The following CAMK2A variants were observed in gnomAD, a reference collection of about 807,000 sequenced individuals.
The protein encoded by CAMK2A is calcium/calmodulin-dependent protein kinase type II subunit alpha.
Under a neutral mutation model 79.2 loss-of-function variants are expected in CAMK2A, and 7 were observed. The observed-to-expected ratio is 0.09, with a 90% CI of 0.05 to 0.17. The LOEUF is 0.17. CAMK2A is among the 10% of genes least tolerant of loss of function. The pLI, the probability that CAMK2A is intolerant of heterozygous loss-of-function variation, is 1.00. For missense variants in CAMK2A, 214 were observed against 646.4 expected, an observed-to-expected ratio of 0.33 and a Z score of 7.25; for synonymous variants, 242 against 251.7, an observed-to-expected ratio of 0.96 and a Z score of 0.36.
intron 16 of CAMK2A, among the ~76,000 whole-genome samples, chr5:150,230,631 A>G (rs1754799549): frequency 6.6e-6 from 1 of 152,212 alleles, no homozygotes; most frequent in Non-Finnish European, 1.5e-5. Flanking sequence ...GCCCAAGTGA[A>G]GTCTGTTTCT....
At chr5:150,235,338 A>T (rs1208204101) in intron 15 of CAMK2A, among the ~76,000 whole-genome samples, 1 of 152,194 alleles carries the variant, frequency 6.6e-6, no homozygotes, top group Non-Finnish European at 1.5e-5. Flanking sequence ...TGCCCTCAGC[A>T]GCCCCACTGC....
At position 150,250,280 on chromosome 5, in the gene CAMK2A, G is replaced by A. The variant is rs914517595; in HGVS notation, c.846C>T (p.His282=). 1 of 1,613,976 alleles carries A rather than the reference G, an allele frequency of 6.2e-7. No homozygotes were observed. Among genetic ancestry groups the A allele is most frequent in the African/African-American group, 1.3e-5 (1 of 74,930 alleles). ...TCAGGCAGTCCACGGTCTCCTGTCT[G>A]TGCATGCAGGATGCCACGGTGGAGC... is the stretch of plus-strand genomic sequence containing the variant. The part of the protein sequence containing the change: ...SHRSTVASCM[H]RQETVDCLKK... Residue 282 remains histidine (H), a synonymous_variant, in exon 11 of 19, where the codon CAC becomes CAT. Coordinates refer to ENST00000671881, the MANE Select transcript of CAMK2A (RefSeq NM_015981.4).
chr5:150,261,460 G>A (rs999178049), intron 3 of CAMK2A, among the ~76,000 whole-genome samples: 3 of 152,198 alleles, frequency 2.0e-5, no homozygotes, highest in Admixed American at 1.3e-4. Flanking sequence ...AGTGACTGAC[G>A]TGTCCGTGCC....
At chr5:150,289,513 C>A (rs779873061) in intron 1 of CAMK2A, 51 bp downstream of exon 1, 1 of 1,463,018 alleles carries the variant, frequency 6.8e-7, no homozygotes, top group South Asian at 1.1e-5. Flanking sequence ...ACTAGAGACC[C>A]TGACCTCCCC....
At position 150,289,721 on chromosome 5, in the gene CAMK2A, G is replaced by C; in HGVS notation, c.-96C>G. ...GAACCTAGGGACCACTTGCCTGCCC[G>C]TGCTGCCGAGTGCAAACAGAGAACC... On this transcript the variant is annotated 5_prime_UTR_variant, in exon 1 of 19. Transcript: ENST00000671881. The C allele has an allele frequency of 1.1e-6, 1 of 907,332 alleles. No homozygotes were observed. Among genetic ancestry groups the C allele is most frequent in the South Asian group, 1.5e-5 (1 of 66,210 alleles). 56.2% of individuals were successfully genotyped at this position (907,332 alleles called of 1,614,324 possible). A position where few individuals can be genotyped will look rare whatever the true frequency, so the allele number is the denominator to read the frequency against.
In CAMK2A at chr5:150,222,760, T is replaced by C. The variant is rs756268900; in HGVS notation, c.1467-47A>G. On this transcript the variant is annotated intron_variant, in intron 18 of 18. Transcript: ENST00000671881. ...CTTCTCAGGGCATGGTGTTTCCTGC[T>C]TGGGCAACCCACCCACCCTGCCGCT... The C allele has an allele frequency of 6.8e-6, 11 of 1,612,390 alleles. No homozygotes were observed. In the Admixed American group the frequency reaches 1.8e-4, roughly 27 times the overall value.
At chr5:150,238,656 T>C (rs2114040180) in intron 15 of CAMK2A, 44 bp downstream of exon 15, 2 of 1,557,698 alleles carry the variant, frequency 1.3e-6, no homozygotes, top group Admixed American at 3.6e-5. Context: ...TCAGAGCTGG[T>C]TCCAGAAGTC....
intron 16 of CAMK2A, among the ~76,000 whole-genome samples, chr5:150,230,263 A>C (rs557101508): frequency 7.2e-6 from 1 of 139,502 alleles, no homozygotes; most frequent in South Asian, 2.4e-4. Flanking sequence ...GGTTGCAGTG[A>C]GCCAAGATCG....
intron 16 of CAMK2A, among the ~76,000 whole-genome samples, chr5:150,229,917 G>T (rs528470657): frequency 3.5e-4 from 54 of 152,328 alleles, no homozygotes; most frequent in African/African-American, 1.2e-3. Context: ...ATCACCCTCA[G>T]TTCCACACAT....
rs138342339 is a variant in CAMK2A, at chr5:150,223,488, G to A, written c.1238-271C>T. On this transcript the variant is annotated intron_variant, in intron 17 of 18. Coordinates refer to ENST00000671881, the MANE Select transcript of CAMK2A (RefSeq NM_015981.4). This position sits in a 1 kb window ranked among gnomAD's most constrained non-coding sequence, Gnocchi z 4.1. ...AAAATGGAATGTTTGAATCATGACC[G>A]TTAGCCACATGGAATAAGCCTAGAG... 6.7e-3 allele frequency among the ~76,000 whole-genome samples: 1,016 copies of A among 152,292 alleles called. 12 individuals carry two copies. Among genetic ancestry groups the A allele is most frequent in the African/African-American group, 0.024 (977 of 41,554 alleles).
Position 150,245,173 on chromosome 5 carries a change from G to C in CAMK2A, c.972C>G (p.Ser324Arg), listed in dbSNP as rs375813680. 1.2e-6 allele frequency: 2 copies of C among 1,613,958 alleles called. No individual in the cohort carries two copies. The highest frequency in any genetic ancestry group is 3.3e-5 in the Admixed American group (2 of 60,006). Reference sequence around the variant, plus strand: ...TGGAGGGGCTTACCTTCACACCATCGCTCTTCTTGTTTCCCCCACTCTTCC... The same window carrying C: ...TGGAGGGGCTTACCTTCACACCATCCCTCTTCTTGTTTCCCCCACTCTTCC... ...SGGKSGGNKK[S>R]DGVKKRKSSS... is the part of the protein sequence containing the mutation. The change falls in exon 13 of 19, where the codon AGC becomes AGG. Residue 324 changes from serine (S) to arginine (R), a missense_variant. Coordinates refer to ENST00000671881, the MANE Select transcript of CAMK2A (RefSeq NM_015981.4).
chr5:150,269,492 C>T (rs1756646778), intron 2 of CAMK2A, among the ~76,000 whole-genome samples: 1 of 151,606 alleles, frequency 6.6e-6, no homozygotes, highest in Non-Finnish European at 1.5e-5. Flanking sequence ...GCTGGGACTA[C>T]AGGCACCCGC....
chr5:150,272,921 G>A lies in CAMK2A; in HGVS notation c.157+144C>T, dbSNP rs866903381. On this transcript the variant is annotated intron_variant, in intron 2 of 18. Transcript: ENST00000671881. ...GGAAAAAGGGAAGGTCTATTCTCAT[G>A]ACACCCCGGGAAGAGCAGCCCCCAC... The A allele has an allele frequency of 1.4e-5, 9 of 657,394 alleles. No homozygotes were observed. The Middle Eastern group carries it at 1.2e-3, about 89-fold the overall frequency. The allele number at this position is 657,394 out of a possible 1,614,324, so 40.7% of individuals were successfully genotyped here.
chr5:150,247,925 A>T, intron 11 of CAMK2A, 111 bp from the exon 12 acceptor site: 1 of 860,738 alleles, frequency 1.2e-6, no homozygotes, highest in South Asian at 1.5e-5. Flanking sequence ...CTGCATTCAG[A>T]GAAGAAGCCA....
chr5:150,284,197 GAGA>G lies in CAMK2A; in HGVS notation c.62+5364_62+5366del, dbSNP rs1312947511. 1.3e-5 allele frequency among the ~76,000 whole-genome samples: 2 copies of G among 152,250 alleles called. No homozygotes were observed. Among genetic ancestry groups the G allele is most frequent in the Admixed American group, 1.3e-4 (2 of 15,292 alleles). On this transcript the variant is annotated intron_variant, in intron 1 of 18. Coordinates refer to ENST00000671881, the MANE Select transcript of CAMK2A (RefSeq NM_015981.4). The surrounding 1 kb of genome is among the most constrained non-coding windows in gnomAD (Gnocchi z 5.3). ...GACAGAGTGAGACCAGAGAGATGGA[GAGA>G]AGAACACAGAGAAAGACAAGCCCTG...
At chr5:150,280,944 CT>C (rs1041076078) in intron 1 of CAMK2A, among the ~76,000 whole-genome samples, 2 of 152,172 alleles carry the variant, frequency 1.3e-5, no homozygotes, top group African/African-American at 2.4e-5. Flanking sequence ...CCACTTAAAA[CT>C]GTATTAAAAT....
At chr5:150,272,759 G>A (rs1756802545) in intron 2 of CAMK2A, among the ~76,000 whole-genome samples, 1 of 152,000 alleles carries the variant, frequency 6.6e-6, no homozygotes, top group Non-Finnish European at 1.5e-5. Context: ...GAGGTCTGGA[G>A]GGGAGAAGTG....
intron 1 of CAMK2A, 147 bp from the exon 2 acceptor site, chr5:150,273,306 T>G (rs2150302221): frequency 1.6e-6 from 1 of 619,136 alleles, no homozygotes; most frequent in African/African-American, 1.8e-5. Flanking sequence ...GTGACCCAAC[T>G]CAGGGACACA....
At chr5:150,235,445 A>C (rs1456990943) in intron 15 of CAMK2A, among the ~76,000 whole-genome samples, 2 of 152,248 alleles carry the variant, frequency 1.3e-5, no homozygotes, top group Non-Finnish European at 2.9e-5. Flanking sequence ...TACAGATGGG[A>C]AAGCCCAAAC....
Sources: allele counts gnomAD v4.1 joint callset (sites outside exome capture counted in the v4.1 genomes callset), GRCh38; gene constraint gnomAD v4.1.1; non-coding constraint Gnocchi (gnomAD v3.1); transcripts MANE v1.5; gene names NCBI Gene and HGNC (gene_info 2026-07-23, HGNC 2026-07-21).